DNAAF9: variants seen among roughly 807,000 people sequenced by gnomAD.
The protein encoded by DNAAF9 is shulin.
A neutral mutation model predicts 167.0 loss-of-function variants in DNAAF9; 90 were observed. That is an observed-to-expected ratio of 0.54 (90% CI 0.45 to 0.64). The LOEUF (loss-of-function observed/expected upper bound fraction) is 0.64, where lower values mean the gene tolerates loss of function less well. DNAAF9 is among the 30% of genes least tolerant of loss of function. The pLI, the probability that DNAAF9 is intolerant of heterozygous loss-of-function variation, is 0.00. For missense variants in DNAAF9, 1,315 were observed against 1,442.2 expected (o/e 0.91, Z 1.43); for synonymous variants, 491 against 508.8 (o/e 0.96, Z 0.47).
intron 30 of DNAAF9, among the ~76,000 whole-genome samples, chr20:3,269,306 C>T (rs1332829739): frequency 2.0e-5 from 3 of 151,578 alleles, no homozygotes; most frequent in Non-Finnish European, 4.4e-5. Flanking sequence ...AACTCCTGGG[C>T]TCAGGCAATC....
chr20:3,292,654 T>A (rs2070867383), intron 25 of DNAAF9, among the ~76,000 whole-genome samples: 3 of 151,636 alleles, frequency 2.0e-5, no homozygotes, highest in Non-Finnish European at 4.4e-5. Flanking sequence ...TAATCCCAGC[T>A]ACTCAGGAGG....
chr20:3,309,597 C>T (rs994350389), intron 20 of DNAAF9, among the ~76,000 whole-genome samples: 2 of 152,178 alleles, frequency 1.3e-5, no homozygotes, highest in African/African-American at 2.4e-5. Flanking sequence ...TTTTCAATAA[C>T]TTTGCTGAGA....
chr20:3,374,994 A>G, intron 5 of DNAAF9, 36 bp downstream of exon 5: 1 of 1,159,486 alleles, frequency 8.6e-7, no homozygotes, highest in South Asian at 1.3e-5. Flanking sequence ...ACACCACCTA[A>G]GCAAGGTTCT....
chr20:3,261,092 A>C (rs1343450938), intron 31 of DNAAF9, among the ~76,000 whole-genome samples: 1 of 152,166 alleles, frequency 6.6e-6, no homozygotes, highest in African/African-American at 2.4e-5. Flanking sequence ...CTCAGGCTGG[A>C]GTGCAGTGGT....
Position 3,407,654 on chromosome 20 carries a change from G to A in DNAAF9, c.-97C>T, listed in dbSNP as rs551775017. The A allele has an allele frequency of 4.5e-6, 5 of 1,115,844 alleles. No homozygotes were observed. Among genetic ancestry groups the A allele is most frequent in the Non-Finnish European group, 5.5e-6 (5 of 913,814 alleles). 69.1% of individuals were successfully genotyped at this position (1,115,844 alleles called of 1,614,324 possible). On this transcript the variant is annotated 5_prime_UTR_variant, in exon 1 of 37. Coordinates refer to ENST00000252032, the MANE Select transcript of DNAAF9 (RefSeq NM_001009984.3). ...ACGCTAGCTGCGGCCGGGCGGGGCG[G>A]CAGGGCGTGCCGGGTGGGAGGGGGC...
At chr20:3,297,374 G>A (rs941733296) in intron 22 of DNAAF9, among the ~76,000 whole-genome samples, 5 of 152,176 alleles carry the variant, frequency 3.3e-5, no homozygotes, top group Non-Finnish European at 5.9e-5. Context: ...GTCCAGCAAA[G>A]GTGGAAGACA....
intron 5 of DNAAF9, 119 bp downstream of exon 5, chr20:3,374,911 T>C: frequency 1.6e-6 from 1 of 642,520 alleles, no homozygotes; most frequent in South Asian, 2.1e-5. Flanking sequence ...TTGATGTCTT[T>C]GGTAAAAATA....
In DNAAF9 at chr20:3,294,548, G is replaced by T; in HGVS notation, c.2100C>A (p.Ala700=). The T allele has an allele frequency of 6.2e-7, 1 of 1,611,458 alleles. No individual in the cohort carries two copies. The highest frequency in any genetic ancestry group is 8.5e-7 in the Non-Finnish European group (1 of 1,177,646). The stretch of plus-strand genomic sequence containing the variant: ...CTTACCAGTCCAGCTCTGGGAGTTT[G>T]GCTGAGAGTAACTTTAGGGAACTCC... The part of the protein sequence containing the change: ...EKRSSLKLLS[A]KLPELDWFLQ... The change falls in exon 24 of 37, where the codon GCC becomes GCA. Residue 700 remains alanine, a synonymous_variant. Coordinates refer to ENST00000252032, the MANE Select transcript of DNAAF9 (RefSeq NM_001009984.3).
chr20:3,405,148 A>G (rs1051567970), intron 1 of DNAAF9, among the ~76,000 whole-genome samples: 2 of 152,244 alleles, frequency 1.3e-5, no homozygotes, highest in Admixed American at 6.5e-5. Flanking sequence ...ATTCTACTAC[A>G]TGCTCAAGAG....
chr20:3,319,294 G>T (rs6037549), intron 16 of DNAAF9, among the ~76,000 whole-genome samples: 27,313 of 109,966 alleles, frequency 0.25, 3,189 homozygotes, highest in African/African-American at 0.31. Context: ...AAAAAAGCAA[G>T]AAAGCTATCA....
chr20:3,360,820 A>T (rs930620732), intron 6 of DNAAF9, among the ~76,000 whole-genome samples: 1 of 152,234 alleles, frequency 6.6e-6, no homozygotes, highest in Non-Finnish European at 1.5e-5. Context: ...CCATTACATG[A>T]AAGTAAAACA....
chr20:3,315,911 A>G lies in DNAAF9; in HGVS notation c.1540-126T>C. On this transcript the variant is annotated intron_variant, in intron 18 of 36. Transcript: ENST00000252032. The surrounding 1 kb of genome is among the most constrained non-coding windows in gnomAD (Gnocchi z 4.1). ...CAGTCCTTCCACCATGTCCATGTCC[A>G]GTGCTCTCAGGCCCTGACACACCTG... The G allele has an allele frequency of 2.6e-6, 2 of 784,204 alleles. No individual in the cohort carries two copies. The highest frequency in any genetic ancestry group is 4.5e-6 in the Non-Finnish European group (2 of 440,450). The allele number at this position is 784,204 out of a possible 1,614,324, so 48.6% of individuals were successfully genotyped here.
chr20:3,310,364 A>AGAAG, intron 20 of DNAAF9, among the ~76,000 whole-genome samples: 1 of 151,320 alleles, frequency 6.6e-6, no homozygotes, highest in Non-Finnish European at 1.5e-5. Flanking sequence ...AAAGAAAGAA[A>AGAAG]GAAAGAAAGA....
intron 23 of DNAAF9, chr20:3,296,265 G>A: frequency 2.3e-6 from 1 of 434,416 alleles, no homozygotes; most frequent in Non-Finnish European, 4.5e-6. Flanking sequence ...TAAGACACTG[G>A]GCGCCCCCCA....
intron 7 of DNAAF9, among the ~76,000 whole-genome samples, chr20:3,352,292 A>G (rs1406531354): frequency 1.3e-5 from 2 of 152,156 alleles, no homozygotes; most frequent in Non-Finnish European, 2.9e-5. Flanking sequence ...CCGATAAACC[A>G]ATCCTTTTGG....
At chr20:3,406,831 AG>A (rs1188089063) in intron 1 of DNAAF9, among the ~76,000 whole-genome samples, 1 of 151,748 alleles carries the variant, frequency 6.6e-6, no homozygotes, top group Admixed American at 6.6e-5. Context: ...TTGTGGAGTG[AG>A]GGGGCGTCGC....
In DNAAF9 at chr20:3,294,207, G is replaced by C; in HGVS notation, c.2170C>G (p.Arg724Gly). 1.9e-6 allele frequency: 3 copies of C among 1,612,988 alleles called. No individual in the cohort carries two copies. Among genetic ancestry groups the C allele is most frequent in the Non-Finnish European group, 2.5e-6 (3 of 1,179,012 alleles). The part of the protein sequence containing the change: ...ISSISQEPVM[R>G]THLPVLLQQA... ...TGCAGCAGCACAGGAAGATGGGTCCGCATCACAGGCTCCTGGCTAATGCTG... is the reference window on the plus strand; with the variant it reads ...TGCAGCAGCACAGGAAGATGGGTCCCCATCACAGGCTCCTGGCTAATGCTG... Residue 724 changes from arginine (R) to glycine (G), a missense_variant, in exon 25 of 37, where the codon CGG (arginine) becomes GGG (glycine). By Grantham distance (125) the Arg-to-Gly change is moderately radical. Coordinates refer to ENST00000252032, the MANE Select transcript of DNAAF9 (RefSeq NM_001009984.3).
At chr20:3,297,670 G>A (rs2069105942) in intron 22 of DNAAF9, among the ~76,000 whole-genome samples, 1 of 152,202 alleles carries the variant, frequency 6.6e-6, no homozygotes, top group African/African-American at 2.4e-5. Context: ...GGCAGGGACT[G>A]GCCCATGGGG....
chr20:3,284,284 G>A (rs1012626923), intron 27 of DNAAF9, among the ~76,000 whole-genome samples: 4 of 149,540 alleles, frequency 2.7e-5, no homozygotes, highest in Non-Finnish European at 4.4e-5. Context: ...AGGCTCAAGC[G>A]ATCCTCCTGC....
Sources: allele counts gnomAD v4.1 joint callset (sites outside exome capture counted in the v4.1 genomes callset), GRCh38; gene constraint gnomAD v4.1.1; non-coding constraint Gnocchi (gnomAD v3.1); transcripts MANE v1.5; gene names NCBI Gene and HGNC (gene_info 2026-07-23, HGNC 2026-07-21).